GNG8: variants seen among roughly 807,000 people sequenced by gnomAD.
The protein encoded by GNG8 is guanine nucleotide-binding protein G(I)/G(S)/G(O) subunit gamma-8.
Under a neutral mutation model 4.6 loss-of-function variants are expected in GNG8, and 3 were observed. That is an observed-to-expected ratio of 0.65 (90% CI 0.29 to 1.67). GNG8 has a LOEUF of 1.67. GNG8 is among the 40% of genes most tolerant of loss of function. The pLI, the probability that GNG8 is intolerant of heterozygous loss-of-function variation, is 0.10. For synonymous variants in GNG8, 32 were observed against 40.5 expected (o/e 0.79, Z 0.80); for missense variants, 88 against 95.2 (o/e 0.92, Z 0.32).
chr19:46,634,082 C>A lies in GNG8; in HGVS notation c.207G>T (p.Leu69=), dbSNP rs763069731. ...PFRDKRLFCV[L]L The stretch of plus-strand genomic sequence containing the variant: ...GGTAAGCTGTCCGGAGGGCTCAGAG[C>A]AGAACACAAAAGAGGCGCTTGTCGC... Residue 69 remains leucine, a synonymous_variant, in exon 3 of 3, where the codon CTG becomes CTT. Coordinates refer to ENST00000693335, the MANE Select transcript of GNG8 (RefSeq NM_033258.2). The A allele has an allele frequency of 6.2e-7, 1 of 1,613,306 alleles. No individual in the cohort carries two copies. The highest frequency in any genetic ancestry group is 1.1e-5 in the South Asian group (1 of 91,004).
upstream of GNG8, chr19:46,638,313 T>A (rs928000029): frequency 3.3e-5 from 5 of 152,940 alleles, no homozygotes; most frequent in African/African-American, 1.2e-4. The surrounding 1 kb of genome is among the most constrained non-coding windows in gnomAD (Gnocchi z 4.7). Context: ...ATCTCTGACA[T>A]ATGCAGTCCC....
At chr19:46,638,192 A>G (rs967008324), upstream of GNG8, 1 of 152,520 alleles carries the variant, frequency 6.6e-6, no homozygotes, top group Non-Finnish European at 1.5e-5. The surrounding 1 kb of genome is among the most constrained non-coding windows in gnomAD (Gnocchi z 4.7). Context: ...AGCCCCAAAG[A>G]GTGTCTCTCC....
chr19:46,636,016 G>T (rs886561533), intron 1 of GNG8, among the ~76,000 whole-genome samples, 131 bp downstream of exon 1: 11 of 152,018 alleles, frequency 7.2e-5, no homozygotes, highest in Non-Finnish European at 1.5e-4. Context: ...CGAGAGACAG[G>T]CTGATGGAGA....
chr19:46,634,718 A>T lies in GNG8; in HGVS notation c.-36T>A. 2.6e-6 allele frequency: 4 copies of T among 1,562,594 alleles called. No homozygotes were observed. Among genetic ancestry groups the T allele is most frequent in the South Asian group, 2.2e-5 (2 of 89,546 alleles). Reference sequence around the variant, plus strand: ...GGGAAGGGGTTAAAAGACGCGCGGGAGTGGGGGCTGTGGGGGTAGGTTAGG... The same window carrying T: ...GGGAAGGGGTTAAAAGACGCGCGGGTGTGGGGGCTGTGGGGGTAGGTTAGG... On this transcript the variant is annotated 5_prime_UTR_variant, in exon 2 of 3. Coordinates refer to ENST00000693335, the MANE Select transcript of GNG8 (RefSeq NM_033258.2).
At chr19:46,634,546 G>C in intron 2 of GNG8, 53 bp downstream of exon 2, 2 of 1,498,350 alleles carry the variant, frequency 1.3e-6, no homozygotes, top group Middle Eastern at 2.0e-4. Context: ...ACACAGCCCC[G>C]GACAGACCGC....
chr19:46,634,662 C>T lies in GNG8; in HGVS notation c.21G>A (p.Lys7=), dbSNP rs778279370. 5 of 1,613,084 alleles carry T rather than the reference C, an allele frequency of 3.1e-6. No individual in the cohort carries two copies. In the South Asian group the frequency reaches 4.4e-5, roughly 14 times the overall value. Residue 7 remains lysine, a synonymous_variant, in exon 2 of 3, where the codon AAG becomes AAA. Coordinates refer to ENST00000693335, the MANE Select transcript of GNG8 (RefSeq NM_033258.2). ...CCACCGTCTTGCGGGCCTCGGCAAT[C>T]TTGGCCATGTTGTTGGACATGGTTG... is the stretch of plus-strand genomic sequence containing the variant. MSNNMA[K]IAEARKTVEQ...
upstream of GNG8, chr19:46,637,645 G>A (rs10419715): frequency 0.18 from 27,044 of 152,284 alleles, 3,140 homozygotes; most frequent in East Asian, 0.4. Context: ...GTGCAGTGGC[G>A]CGATCTTAGC....
At chr19:46,636,905 C>CCTCA (rs1287653694), upstream of GNG8, 1 of 151,830 alleles carries the variant, frequency 6.6e-6, no homozygotes, top group African/African-American at 2.4e-5. Context: ...CATTCTCCTG[C>CCTCA]CTCAGCCTCC....
intron 2 of GNG8, 33 bp from the exon 3 acceptor site, chr19:46,634,237 T>C: frequency 1.9e-6 from 3 of 1,587,284 alleles, no homozygotes; most frequent in African/African-American, 1.3e-5. Context: ...GTCACCGCCC[T>C]GCCCGGCTCC....
chr19:46,634,620 C>T lies in GNG8; in HGVS notation c.63G>A (p.Glu21=), dbSNP rs1189264139. The part of the protein sequence containing the change: ...ARKTVEQLKL[E]VNIDRMKVSQ... Reference sequence around the variant, plus strand: ...GCACCTTCATGCGGTCGATGTTCACCTCCAGCTTCAGCTGTTCCACCGTCT... The same window carrying T: ...GCACCTTCATGCGGTCGATGTTCACTTCCAGCTTCAGCTGTTCCACCGTCT... Residue 21 remains glutamate (E), a synonymous_variant, in exon 2 of 3, where the codon GAG becomes GAA. Transcript: ENST00000693335. 3 of 1,613,112 alleles carry T rather than the reference C, an allele frequency of 1.9e-6. No homozygotes were observed. Among genetic ancestry groups the T allele is most frequent in the Admixed American group, 3.3e-5 (2 of 59,940 alleles).
chr19:46,639,266 C>T (rs2052887223), upstream of GNG8: 1 of 152,478 alleles, frequency 6.6e-6, no homozygotes, highest in African/African-American at 2.4e-5. This position sits in a 1 kb window ranked among gnomAD's most constrained non-coding sequence, Gnocchi z 5.2. Context: ...GGGGCGTGCC[C>T]CTCGGTGTAC....
At chr19:46,635,034 A>T (rs976099355) in intron 1 of GNG8, among the ~76,000 whole-genome samples, 12 of 151,996 alleles carry the variant, frequency 7.9e-5, no homozygotes, top group African/African-American at 2.7e-4. Context: ...CCCCGGGGGC[A>T]GAGCGAGAGC....
chr19:46,634,674 G>T lies in GNG8; in HGVS notation c.9C>A (p.Asn3Lys), dbSNP rs1188825116. 2 of 1,612,892 alleles carry T rather than the reference G, an allele frequency of 1.2e-6. No individual in the cohort carries two copies. The highest frequency in any genetic ancestry group is 1.1e-5 in the South Asian group (1 of 91,080). ...GGGCCTCGGCAATCTTGGCCATGTTGTTGGACATGGTTGCGGCGGGGAAGG... is the reference window on the plus strand; with the variant it reads ...GGGCCTCGGCAATCTTGGCCATGTTTTTGGACATGGTTGCGGCGGGGAAGG... MS[N>K]NMAKIAEARK... Residue 3 changes from asparagine to lysine, a missense_variant, in exon 2 of 3, where the codon AAC becomes AAA. Coordinates refer to ENST00000693335, the MANE Select transcript of GNG8 (RefSeq NM_033258.2).
Position 46,634,052 on chromosome 19 carries a change from G to A in GNG8, c.*24C>T, listed in dbSNP as rs777065406. ...GTTTATTGGATCCATACTTTGGCAG[G>A]GGAGGGTAAGCTGTCCGGAGGGCTC... On this transcript the variant is annotated 3_prime_UTR_variant, in exon 3 of 3. Coordinates refer to ENST00000693335, the MANE Select transcript of GNG8 (RefSeq NM_033258.2). 2.5e-6 allele frequency: 4 copies of A among 1,596,576 alleles called. No homozygotes were observed. Among genetic ancestry groups the A allele is most frequent in the South Asian group, 2.2e-5 (2 of 89,966 alleles).
upstream of GNG8, among the ~76,000 whole-genome samples, chr19:46,636,444 C>G (rs913957402): frequency 6.6e-6 from 1 of 152,164 alleles, no homozygotes. Flanking sequence ...AGGTGGGCCC[C>G]GGGCCTCGCT....
upstream of GNG8, chr19:46,636,966 A>AT (rs1322173820): frequency 6.6e-6 from 1 of 151,552 alleles, no homozygotes; most frequent in Non-Finnish European, 1.5e-5. Context: ...TGATTTTTGT[A>AT]TTTTTCGTAG....
At chr19:46,635,861 G>A (rs1421990015) in intron 1 of GNG8, among the ~76,000 whole-genome samples, 2 of 147,584 alleles carry the variant, frequency 1.4e-5, no homozygotes, top group Admixed American at 6.8e-5. Context: ...GGAGGAAGGG[G>A]GGAGGGAGGA....
At chr19:46,638,625 A>T (rs996000384), upstream of GNG8, 1 of 153,416 alleles carries the variant, frequency 6.5e-6, no homozygotes, top group African/African-American at 2.4e-5. This position sits in a 1 kb window ranked among gnomAD's most constrained non-coding sequence, Gnocchi z 4.7. Context: ...CACAGCCTCC[A>T]GGTGTCACAC....
chr19:46,639,056 G>T (rs1234560995), upstream of GNG8: 1 of 153,354 alleles, frequency 6.5e-6, no homozygotes, highest in Non-Finnish European at 1.5e-5. The surrounding 1 kb of genome is among the most constrained non-coding windows in gnomAD (Gnocchi z 5.2). Flanking sequence ...ACAGGACACA[G>T]AGAGACCGGG....
Sources: allele counts gnomAD v4.1 joint callset (sites outside exome capture counted in the v4.1 genomes callset), GRCh38; gene constraint gnomAD v4.1.1; non-coding constraint Gnocchi (gnomAD v3.1); transcripts MANE v1.5; gene names NCBI Gene and HGNC (gene_info 2026-07-23, HGNC 2026-07-21).